CAVIN2: variants seen among roughly 807,000 people sequenced by gnomAD.
CAVIN2 encodes the protein caveolae associated protein 2.
CAVIN2 carries 13 observed loss-of-function variants against 11.7 expected under a neutral mutation model. The ratio of observed to expected loss-of-function variants is 1.11; its 90% confidence interval spans 0.72 to 1.77. CAVIN2 has a LOEUF of 1.77. Among genes scored for constraint, CAVIN2 ranks in the 40% most tolerant of loss-of-function variants. CAVIN2 has a pLI of 0.00. For synonymous variants in CAVIN2, 237 were observed against 223.2 expected (o/e 1.06, Z -0.55); for missense variants, 549 against 542.9 (o/e 1.01, Z -0.11).
At chr2:191,845,255 A>C (rs1690149237) in intron 1 of CAVIN2, among the ~76,000 whole-genome samples, 1 of 152,232 alleles carries the variant, frequency 6.6e-6, no homozygotes, top group Non-Finnish European at 1.5e-5. Context: ...ACAAAAAAGC[A>C]GCGAGATGAG....
At position 191,836,647 on chromosome 2, in the gene CAVIN2, T is replaced by C. The variant is rs1195415697; in HGVS notation, c.554A>G (p.Glu185Gly). The change falls in exon 2 of 2, where the codon GAG becomes GGG. Residue 185 changes from glutamate to glycine, a missense_variant. By Grantham distance (98) the Glu-to-Gly change is moderately conservative. Coordinates refer to ENST00000304141, the MANE Select transcript of CAVIN2 (RefSeq NM_004657.6). The part of the protein sequence containing the change: ...PVSGAVEGKE[E>G]LPDENKSLEE... Reference sequence around the variant, plus strand: ...CAGGGATTTGTTTTCATCCGGAAGCTCCTCCTTCCCTTCCACGGCACCGGA... The same window carrying C: ...CAGGGATTTGTTTTCATCCGGAAGCCCCTCCTTCCCTTCCACGGCACCGGA... The C allele has an allele frequency of 6.2e-7, 1 of 1,613,914 alleles. No individual in the cohort carries two copies. The highest frequency in any genetic ancestry group is 8.5e-7 in the Non-Finnish European group (1 of 1,179,978).
chr2:191,840,099 G>A (rs914645759), intron 1 of CAVIN2, among the ~76,000 whole-genome samples: 9 of 152,130 alleles, frequency 5.9e-5, no homozygotes, highest in East Asian at 1.9e-4. Flanking sequence ...CACACACCTC[G>A]TGGAAACACT....
intron 1 of CAVIN2, among the ~76,000 whole-genome samples, chr2:191,840,624 T>C (rs1317802597): frequency 6.6e-6 from 1 of 152,210 alleles, no homozygotes; most frequent in African/African-American, 2.4e-5. Flanking sequence ...GAACTAATAG[T>C]CCTATTTGTA....
chr2:191,835,987 TC>T lies in CAVIN2; in HGVS notation c.1213del (p.Glu405ArgfsTer61), dbSNP rs1690008206. On this transcript the variant is annotated frameshift_variant, in exon 2 of 2. Coordinates refer to ENST00000304141, the MANE Select transcript of CAVIN2 (RefSeq NM_004657.6). LOFTEE classifies it low-confidence loss of function (END_TRUNC). ...YEGSYALTSEEAERSDGDPVQ... is the reference protein window; with the variant it reads ...YEGSYALTSEXAERSDGDPVQ... ...GGGGTCCCCATCGGAGCGCTCCGCCTCCTCGGATGTTAGCGCGTAGCTACCC... is the reference window on the plus strand; with the variant it reads ...GGGGTCCCCATCGGAGCGCTCCGCCTCTCGGATGTTAGCGCGTAGCTACCC... The T allele has an allele frequency of 6.2e-7, 1 of 1,614,068 alleles. No individual in the cohort carries two copies. Among genetic ancestry groups the T allele is most frequent in the Non-Finnish European group, 8.5e-7 (1 of 1,180,038 alleles).
At position 191,835,749 on chromosome 2, in the gene CAVIN2, C is replaced by T; in HGVS notation, c.*174G>A. 3.3e-6 allele frequency: 2 copies of T among 611,632 alleles called. No individual in the cohort carries two copies. The highest frequency in any genetic ancestry group is 5.6e-6 in the Non-Finnish European group (2 of 358,878). 37.9% of individuals were successfully genotyped at this position (611,632 alleles called of 1,614,324 possible). On this transcript the variant is annotated 3_prime_UTR_variant, in exon 2 of 2. Transcript: ENST00000304141. ...ATTAAAAGTGGAGTCCGTGACAGGT[C>T]GCTTTCATGGTAAAGCCTGGTCTCG...
chr2:191,835,677 C>T lies in CAVIN2; in HGVS notation c.*246G>A, dbSNP rs533117614. The T allele has an allele frequency of 5.4e-4, 245 of 455,488 alleles. 2 individuals are homozygous for T. The South Asian group carries it at 5.5e-3, about 10-fold the overall frequency. 28.2% of individuals were successfully genotyped at this position (455,488 alleles called of 1,614,324 possible). ...TTAGCATTTTTCAACTGCTCAGTTT[C>T]TTCTTCAATCTTGGAGACATTCTAC... is the stretch of plus-strand genomic sequence containing the variant. On this transcript the variant is annotated 3_prime_UTR_variant, in exon 2 of 2. Coordinates refer to ENST00000304141, the MANE Select transcript of CAVIN2 (RefSeq NM_004657.6).
intron 1 of CAVIN2, among the ~76,000 whole-genome samples, chr2:191,841,998 C>T (rs116180534): frequency 0.023 from 3,536 of 152,196 alleles, 61 homozygotes; most frequent in Middle Eastern, 0.041. Context: ...AGAAACATGG[C>T]GAGTTGTCAT....
chr2:191,843,584 T>A (rs962161243), intron 1 of CAVIN2, among the ~76,000 whole-genome samples: 1 of 152,194 alleles, frequency 6.6e-6, no homozygotes, highest in Admixed American at 6.5e-5. Flanking sequence ...TTTGGGAAGA[T>A]TCCTTTGCTT....
At position 191,835,186 on chromosome 2, in the gene CAVIN2, A is replaced by G. The variant is rs1689994820; in HGVS notation, c.*737T>C. On this transcript the variant is annotated 3_prime_UTR_variant, in exon 2 of 2. Coordinates refer to ENST00000304141, the MANE Select transcript of CAVIN2 (RefSeq NM_004657.6). ...GTGAAATAGTTAAGCTACTATTGTA[A>G]GTATTTTACTTTCAAGCACATACAT... The G allele has an allele frequency of 6.6e-6, 1 of 152,140 alleles. No individual in the cohort carries two copies. The highest frequency in any genetic ancestry group is 1.5e-5 in the Non-Finnish European group (1 of 67,990). The allele number at this position is 152,140 out of a possible 1,614,324, so 9.4% of individuals were successfully genotyped here. A position where few individuals can be genotyped will look rare whatever the true frequency, so the allele number is the denominator to read the frequency against.
intron 1 of CAVIN2, among the ~76,000 whole-genome samples, chr2:191,846,085 G>A (rs771888333): frequency 6.6e-6 from 1 of 152,232 alleles, no homozygotes; most frequent in Non-Finnish European, 1.5e-5. Flanking sequence ...GCTAACAGCT[G>A]CAGCCAGAGC....
At chr2:191,843,376 T>C (rs1690120852) in intron 1 of CAVIN2, among the ~76,000 whole-genome samples, 1 of 152,182 alleles carries the variant, frequency 6.6e-6, no homozygotes, top group Non-Finnish European at 1.5e-5. Flanking sequence ...TTTTTTGTCT[T>C]AAATTAGAAA....
At chr2:191,842,385 G>A (rs1690106921) in intron 1 of CAVIN2, among the ~76,000 whole-genome samples, 1 of 152,194 alleles carries the variant, frequency 6.6e-6, no homozygotes, top group Admixed American at 6.5e-5. Flanking sequence ...CTAAGAGGAC[G>A]TAAGAGGCTA....
At chr2:191,846,389 C>A (rs1690165404) in intron 1 of CAVIN2, 54 bp downstream of exon 1, 1 of 1,530,870 alleles carries the variant, frequency 6.5e-7, no homozygotes, top group Non-Finnish European at 8.8e-7. Context: ...TGAGCGAGAT[C>A]AAGAATGATA....
At position 191,834,381 on chromosome 2, in the gene CAVIN2, G is replaced by A. The variant is rs1689981881; in HGVS notation, c.*1542C>T. 1 of 151,992 alleles carries A rather than the reference G, an allele frequency of 6.6e-6. No homozygotes were observed. Among genetic ancestry groups the A allele is most frequent in the South Asian group, 2.1e-4 (1 of 4,810 alleles). 9.4% of individuals were successfully genotyped at this position (151,992 alleles called of 1,614,324 possible). A position where few individuals can be genotyped will look rare whatever the true frequency, so the allele number is the denominator to read the frequency against. ...GTTGGTTCAACAATCCAATATTTGA[G>A]GTTACATTATTGCAAAAATAAGGAC... On this transcript the variant is annotated 3_prime_UTR_variant, in exon 2 of 2. Transcript: ENST00000304141.
In CAVIN2 at chr2:191,836,480, T is replaced by C; in HGVS notation, c.721A>G (p.Ser241Gly). 1 of 1,614,214 alleles carries C rather than the reference T, an allele frequency of 6.2e-7. No individual in the cohort carries two copies. Among genetic ancestry groups the C allele is most frequent in the Non-Finnish European group, 8.5e-7 (1 of 1,180,050 alleles). The stretch of plus-strand genomic sequence containing the variant: ...TGGCGAGAAAATGCTTTCTTGAGGC[T>C]ATCCACTTTCTTCAGGCTGGATCTT... Reference protein sequence around the residue: ...IKRSSLKKVDSLKKAFSRQNI... With the variant: ...IKRSSLKKVDGLKKAFSRQNI... The change falls in exon 2 of 2, where the codon AGC (serine) becomes GGC (glycine). Residue 241 changes from serine (S) to glycine (G), a missense_variant. Transcript: ENST00000304141.
chr2:191,835,864 G>C lies in CAVIN2; in HGVS notation c.*59C>G. 6.6e-7 allele frequency: 1 copy of C among 1,521,778 alleles called. No individual in the cohort carries two copies. Among genetic ancestry groups the C allele is most frequent in the Admixed American group, 1.9e-5 (1 of 53,780 alleles). The allele number at this position is 1,521,778 out of a possible 1,614,324, so 94.3% of individuals were successfully genotyped here. Reference sequence around the variant, plus strand: ...TCGTGCTGGAGATGTGCAAGAGTTTGTTCTTCAGCCCTGGCTGCCCGCTTG... The same window carrying C: ...TCGTGCTGGAGATGTGCAAGAGTTTCTTCTTCAGCCCTGGCTGCCCGCTTG... On this transcript the variant is annotated 3_prime_UTR_variant, in exon 2 of 2. Transcript: ENST00000304141.
At chr2:191,845,559 C>T (rs1308986207) in intron 1 of CAVIN2, among the ~76,000 whole-genome samples, 1 of 152,220 alleles carries the variant, frequency 6.6e-6, no homozygotes, top group Non-Finnish European at 1.5e-5. Context: ...CAGCATTAGG[C>T]AGGGCTGCCC....
chr2:191,836,415 G>T lies in CAVIN2; in HGVS notation c.786C>A (p.Ile262=), dbSNP rs775440514. 1.2e-6 allele frequency: 2 copies of T among 1,614,134 alleles called. No homozygotes were observed. Among genetic ancestry groups the T allele is most frequent in the Non-Finnish European group, 1.7e-6 (2 of 1,180,028 alleles). ...TCTTCTCTCTCCTCTCTACAGATAC[G>T]ATCTTTGTCCCCAGCTTGTTCATCT... is the stretch of plus-strand genomic sequence containing the variant. ...EKKMNKLGTK[I]VSVERREKIK... The change falls in exon 2 of 2, where the codon ATC becomes ATA. Residue 262 remains isoleucine, a synonymous_variant. Transcript: ENST00000304141.
chr2:191,837,163 G>A (rs1690035716), intron 1 of CAVIN2, among the ~76,000 whole-genome samples: 1 of 152,218 alleles, frequency 6.6e-6, no homozygotes, highest in South Asian at 2.1e-4. Flanking sequence ...TAGGGCAAGG[G>A]TGAGAACTGA....
Sources: gnomAD v4.1 joint callset for allele counts (sites outside exome capture counted in the v4.1 genomes callset) on GRCh38, gnomAD v4.1.1 for gene constraint, MANE v1.5 for transcripts, NCBI Gene and HGNC (gene_info 2026-07-23, HGNC 2026-07-21) for gene names.